XPNPEP1: variants seen among roughly 807,000 people sequenced by gnomAD.
XPNPEP1 encodes X-prolyl aminopeptidase 1.
In XPNPEP1, 39 loss-of-function variants were observed where a neutral mutation model predicts 92.4. The observed-to-expected ratio is 0.42, with a 90% confidence interval of 0.33 to 0.55. XPNPEP1 has a LOEUF of 0.55. XPNPEP1 is among the 20% of genes least tolerant of loss of function. XPNPEP1 has a pLI of 0.08. For missense variants in XPNPEP1, 654 were observed against 856.1 expected (o/e 0.76, Z 2.95); for synonymous variants, 307 against 299.4 (o/e 1.03, Z -0.26).
intron 19 of XPNPEP1, 27 bp from the exon 20 acceptor site, chr10:109,868,739 C>T (rs370173685): frequency 1.8e-4 from 291 of 1,590,222 alleles, no homozygotes; most frequent in Admixed American, 4.3e-4. Context: ...AAAACAGATG[C>T]TTTTACTCCT....
intron 6 of XPNPEP1, 104 bp downstream of exon 6, chr10:109,888,399 G>A: frequency 1.5e-6 from 2 of 1,293,444 alleles, no homozygotes; most frequent in African/African-American, 1.5e-5. Context: ...AATCAGTCAT[G>A]CTGAGCCCCC....
chr10:109,918,367 G>A (rs1334350629), intron 1 of XPNPEP1, among the ~76,000 whole-genome samples: 1 of 152,188 alleles, frequency 6.6e-6, no homozygotes, highest in African/African-American at 2.4e-5. Context: ...GCAGCAGTGA[G>A]CTGTGATCGC....
At chr10:109,920,312 C>G (rs1174728348) in intron 1 of XPNPEP1, among the ~76,000 whole-genome samples, 1 of 152,150 alleles carries the variant, frequency 6.6e-6, no homozygotes, top group Non-Finnish European at 1.5e-5. Flanking sequence ...AGTTGTACAA[C>G]TCTGTGACTA....
chr10:109,882,684 C>A, intron 9 of XPNPEP1, 42 bp from the exon 10 acceptor site: 2 of 1,604,434 alleles, frequency 1.2e-6, no homozygotes, highest in Non-Finnish European at 1.7e-6. Flanking sequence ...AAGGAGGGAA[C>A]ATGAGTGAGA....
intron 3 of XPNPEP1, 89 bp from the exon 4 acceptor site, chr10:109,893,164 G>T: frequency 1.6e-6 from 2 of 1,225,212 alleles, no homozygotes; most frequent in Non-Finnish European, 2.3e-6. Context: ...GCTCAGCGGG[G>T]ACTATGAAGA....
chr10:109,879,849 G>A (rs1847993298), intron 12 of XPNPEP1, among the ~76,000 whole-genome samples: 1 of 151,996 alleles, frequency 6.6e-6, no homozygotes, highest in African/African-American at 2.4e-5. Context: ...TGTACACAAA[G>A]ATCTTTTTCT....
At chr10:109,916,021 C>T (rs577130815) in intron 1 of XPNPEP1, among the ~76,000 whole-genome samples, 82 of 152,030 alleles carry the variant, frequency 5.4e-4, no homozygotes, top group Admixed American at 1.2e-3. Context: ...TAAGATGGGG[C>T]AAGGCAGGGG....
At chr10:109,871,763 CCT>C in intron 17 of XPNPEP1, 27 bp downstream of exon 17, 1 of 1,599,708 alleles carries the variant, frequency 6.3e-7, no homozygotes, top group Non-Finnish European at 8.5e-7. Flanking sequence ...AGAAAAAGAG[CCT>C]GCCATGTGAC....
intron 6 of XPNPEP1, 143 bp downstream of exon 6, chr10:109,888,360 T>C: frequency 8.1e-7 from 1 of 1,230,448 alleles, no homozygotes; most frequent in East Asian, 2.5e-5. Flanking sequence ...CCAGTGGAAC[T>C]CTTCTCTTCA....
At chr10:109,888,867 A>G (rs936736082) in intron 5 of XPNPEP1, among the ~76,000 whole-genome samples, 1 of 152,196 alleles carries the variant, frequency 6.6e-6, no homozygotes, top group South Asian at 2.1e-4. Flanking sequence ...CCTTGTAAAA[A>G]TATCTTGGGG....
chr10:109,914,466 A>T (rs1850061040), intron 2 of XPNPEP1, among the ~76,000 whole-genome samples: 1 of 152,134 alleles, frequency 6.6e-6, no homozygotes, highest in Non-Finnish European at 1.5e-5. Context: ...CAAACAACAA[A>T]AAAAAAGTTG....
intron 15 of XPNPEP1, 100 bp downstream of exon 15, chr10:109,875,428 G>A (rs1476875977): frequency 1.9e-6 from 2 of 1,044,332 alleles, no homozygotes; most frequent in Admixed American, 3.7e-5. Context: ...AGCACAGAGG[G>A]CGATGACCAG....
At chr10:109,911,233 T>A (rs1849852721) in intron 2 of XPNPEP1, among the ~76,000 whole-genome samples, 1 of 152,224 alleles carries the variant, frequency 6.6e-6, no homozygotes, top group East Asian at 1.9e-4. Flanking sequence ...CTCAAGCATA[T>A]CCATGTTCCT....
At position 109,886,356 on chromosome 10, in the gene XPNPEP1, T is replaced by A; in HGVS notation, c.653-15A>T. ...CCAGGAGATGCCTGCAAGAAACAAA[T>A]GTGCTTTAACTCCAGCCCTGGTCCC... is the stretch of plus-strand genomic sequence containing the variant. On this transcript the variant is annotated splice_polypyrimidine_tract_variant and intron_variant, in intron 7 of 20. Transcript: ENST00000502935. 2 of 1,613,090 alleles carry A rather than the reference T, an allele frequency of 1.2e-6. No individual in the cohort carries two copies. The highest frequency in any genetic ancestry group is 1.7e-6 in the Non-Finnish European group (2 of 1,179,426).
chr10:109,893,192 C>T (rs954682461), intron 3 of XPNPEP1, 117 bp from the exon 4 acceptor site: 2 of 908,412 alleles, frequency 2.2e-6, no homozygotes, highest in Non-Finnish European at 3.4e-6. Context: ...ATCCTTGGCC[C>T]CCGCCCTCAA....
chr10:109,908,612 CA>C (rs964283491), intron 2 of XPNPEP1, among the ~76,000 whole-genome samples: 22 of 151,930 alleles, frequency 1.4e-4, no homozygotes, highest in Non-Finnish European at 1.9e-4. Context: ...AAAAACAAAA[CA>C]AAACAAACAG....
chr10:109,896,681 C>T (rs755743288), intron 3 of XPNPEP1, among the ~76,000 whole-genome samples: 6 of 152,060 alleles, frequency 3.9e-5, no homozygotes, highest in African/African-American at 7.2e-5. Context: ...CCTGTCCCTG[C>T]ACTCAGCACA....
chr10:109,901,764 G>A (rs1849300108), intron 3 of XPNPEP1, among the ~76,000 whole-genome samples: 1 of 152,232 alleles, frequency 6.6e-6, no homozygotes, highest in South Asian at 2.1e-4. Flanking sequence ...TTGGGTACGT[G>A]AGTCCACCTT....
chr10:109,921,985 T>C (rs2133594805), intron 1 of XPNPEP1, among the ~76,000 whole-genome samples: 1 of 152,330 alleles, frequency 6.6e-6, no homozygotes, highest in South Asian at 2.1e-4. Flanking sequence ...ATGAAGCGGA[T>C]ACTGAATAAA....
Sources: gnomAD v4.1 joint callset for allele counts (sites outside exome capture counted in the v4.1 genomes callset) on GRCh38, gnomAD v4.1.1 for gene constraint, MANE v1.5 for transcripts, NCBI Gene and HGNC (gene_info 2026-07-23, HGNC 2026-07-21) for gene names.